EXT1: variants seen among roughly 807,000 people sequenced by gnomAD.
EXT1 encodes the protein exostosin glycosyltransferase 1.
Under a neutral mutation model 82.5 loss-of-function variants are expected in EXT1, and 20 were observed. The observed-to-expected ratio is 0.24, with a 90% CI of 0.17 to 0.35. The LOEUF (loss-of-function observed/expected upper bound fraction) is 0.35. Ranked by LOEUF, EXT1 falls within the 10% of genes least tolerant of loss-of-function variation. The pLI, the probability that EXT1 is intolerant of heterozygous loss-of-function variation, is 1.00. For missense variants in EXT1, 757 were observed against 936.5 expected (o/e 0.81, Z 2.50); for synonymous variants, 348 against 350.8 (o/e 0.99, Z 0.09).
At chr8:117,930,555 A>C (rs1814039891) in intron 1 of EXT1, among the ~76,000 whole-genome samples, 1 of 152,210 alleles carries the variant, frequency 6.6e-6, no homozygotes, top group South Asian at 2.1e-4. Flanking sequence ...GTGATGTGGG[A>C]GAGGAGAAGA....
intron 1 of EXT1, among the ~76,000 whole-genome samples, chr8:117,933,527 C>T (rs758160798): frequency 6.6e-6 from 1 of 152,058 alleles, no homozygotes; most frequent in African/African-American, 2.4e-5. Context: ...ATTACAGGCA[C>T]TCTCAGATGT....
rs1314206766 is a variant in EXT1 at position 117,796,210 on chromosome 8, G to C, written c.*3502C>G. On this transcript the variant is annotated 3_prime_UTR_variant, in exon 11 of 11. Coordinates refer to ENST00000378204, the MANE Select transcript of EXT1 (RefSeq NM_000127.3). ...TCTCAAGAGACCCAAGGGAACACAA[G>C]ACACTTCCAGGTCTGGGAAGTTTGC... 1 of 152,126 alleles carries C rather than the reference G, an allele frequency of 6.6e-6. No homozygotes were observed. The highest frequency in any genetic ancestry group is 1.5e-5 in the Non-Finnish European group (1 of 68,022). 9.4% of individuals were successfully genotyped at this position (152,126 alleles called of 1,614,324 possible).
At chr8:117,986,292 C>T (rs1200769582) in intron 1 of EXT1, among the ~76,000 whole-genome samples, 1 of 151,484 alleles carries the variant, frequency 6.6e-6, no homozygotes, top group East Asian at 1.9e-4. Flanking sequence ...TGGGTTCAAG[C>T]GATTCTCCTG....
chr8:118,043,255 G>A (rs1172295287), intron 1 of EXT1, among the ~76,000 whole-genome samples: 3 of 152,224 alleles, frequency 2.0e-5, no homozygotes, highest in Admixed American at 6.5e-5. Flanking sequence ...GTGGGCCATG[G>A]CCACGAAGTT....
chr8:117,974,171 T>C (rs2129749859), intron 1 of EXT1, among the ~76,000 whole-genome samples: 1 of 152,318 alleles, frequency 6.6e-6, no homozygotes, highest in South Asian at 2.1e-4. Context: ...ACAGATAAGC[T>C]CTATACTGAT....
At chr8:118,099,583 G>C (rs139879985) in intron 1 of EXT1, among the ~76,000 whole-genome samples, 34 of 152,334 alleles carry the variant, frequency 2.2e-4, no homozygotes, top group African/African-American at 5.1e-4. Context: ...TAAGGACACA[G>C]GTTCAAAAGT....
intron 1 of EXT1, among the ~76,000 whole-genome samples, chr8:118,061,313 A>T (rs774479214): frequency 2.0e-5 from 3 of 152,232 alleles, no homozygotes; most frequent in Non-Finnish European, 4.4e-5. Flanking sequence ...AGGGAAGGTG[A>T]TTCCCTTGGC....
chr8:118,011,816 C>A (rs1006101089), intron 1 of EXT1, among the ~76,000 whole-genome samples: 1 of 152,170 alleles, frequency 6.6e-6, no homozygotes, highest in Non-Finnish European at 1.5e-5. Flanking sequence ...AAATTCCAAA[C>A]GCATCTTTGA....
chr8:118,080,557 A>G (rs762009502), intron 1 of EXT1, among the ~76,000 whole-genome samples: 1 of 152,180 alleles, frequency 6.6e-6, no homozygotes, highest in Non-Finnish European at 1.5e-5. Flanking sequence ...AACCTTTTAT[A>G]TCACTTGTAG....
chr8:117,968,844 C>A (rs1814882291), intron 1 of EXT1, among the ~76,000 whole-genome samples: 1 of 64,550 alleles, frequency 1.5e-5, no homozygotes, highest in Non-Finnish European at 2.5e-5. Flanking sequence ...GCTGGGATTA[C>A]AGGCGTGAGC....
intron 1 of EXT1, among the ~76,000 whole-genome samples, chr8:117,873,450 T>G (rs867865914): frequency 0.18 from 19,346 of 108,784 alleles, 2,089 homozygotes; most frequent in East Asian, 0.3. Context: ...CCTGTGACTT[T>G]TTTTTTTTTT....
intron 1 of EXT1, among the ~76,000 whole-genome samples, chr8:118,035,597 A>AACAC (rs59295132): frequency 2.2e-4 from 33 of 150,298 alleles, no homozygotes; most frequent in East Asian, 1.2e-3. Context: ...ACTCAATTCA[A>AACAC]ACACACACAC....
intron 1 of EXT1, among the ~76,000 whole-genome samples, chr8:117,882,325 C>T (rs1341473636): frequency 6.6e-6 from 1 of 152,242 alleles, no homozygotes; most frequent in African/African-American, 2.4e-5. Flanking sequence ...TCAAGTGATC[C>T]GCCCGCCTTG....
chr8:118,089,816 A>G (rs1817490528), intron 1 of EXT1, among the ~76,000 whole-genome samples: 1 of 152,184 alleles, frequency 6.6e-6, no homozygotes. Flanking sequence ...GAGCCAGAGG[A>G]CAGGAAGCAT....
At position 117,797,242 on chromosome 8, in the gene EXT1, T is replaced by A. The variant is rs1823100350; in HGVS notation, c.*2470A>T. On this transcript the variant is annotated 3_prime_UTR_variant, in exon 11 of 11. Transcript: ENST00000378204. ...TCTATTCCCAGCCTTATATTCCAAA[T>A]GGGAGAAGAACACGCTAGCTCACAT... 1 of 152,244 alleles carries A rather than the reference T, an allele frequency of 6.6e-6. No homozygotes were observed. The highest frequency in any genetic ancestry group is 6.5e-5 in the Admixed American group (1 of 15,280). The allele number at this position is 152,244 out of a possible 1,614,324, so 9.4% of individuals were successfully genotyped here. A position where few individuals can be genotyped will look rare whatever the true frequency, so the allele number is the denominator to read the frequency against.
At chr8:117,893,582 T>C (rs1264122218) in intron 1 of EXT1, among the ~76,000 whole-genome samples, 1 of 152,070 alleles carries the variant, frequency 6.6e-6, no homozygotes, top group African/African-American at 2.4e-5. Flanking sequence ...TTCAAGATAT[T>C]TGCACTCAAG....
chr8:117,909,090 C>A (rs544524879), intron 1 of EXT1, among the ~76,000 whole-genome samples: 1 of 151,782 alleles, frequency 6.6e-6, no homozygotes, highest in South Asian at 2.1e-4. Context: ...CGAGATCGGG[C>A]CGTTGGACTC....
At chr8:117,815,861 C>T (rs747054628) in intron 7 of EXT1, among the ~76,000 whole-genome samples, 5 of 149,770 alleles carry the variant, frequency 3.3e-5, no homozygotes, top group African/African-American at 7.4e-5. Context: ...ACCCAGGAGG[C>T]GGAGATTGCA....
chr8:117,859,319 T>C (rs968840423), intron 1 of EXT1, among the ~76,000 whole-genome samples: 4 of 152,160 alleles, frequency 2.6e-5, no homozygotes, highest in African/African-American at 9.7e-5. Context: ...GGAGGCTAAG[T>C]GGAGACTGTA....
Sources: allele counts gnomAD v4.1 joint callset (sites outside exome capture counted in the v4.1 genomes callset), GRCh38; gene constraint gnomAD v4.1.1; transcripts MANE v1.5; gene names NCBI Gene and HGNC (gene_info 2026-07-23, HGNC 2026-07-21).